Variants in TMCO4 observed in about 807,000 individuals in gnomAD.
TMCO4 encodes the protein transmembrane and coiled-coil domain-containing protein 4.
A neutral mutation model predicts 64.7 loss-of-function variants in TMCO4; 58 were observed. The observed-to-expected ratio is 0.90, with a 90% CI of 0.73 to 1.12. The LOEUF is 1.12. TMCO4 is among the 50% of genes most tolerant of loss of function. TMCO4 has a pLI of 0.00. For missense variants in TMCO4, 780 were observed against 825.9 expected (o/e 0.94, Z 0.68); for synonymous variants, 325 against 346.1 (o/e 0.94, Z 0.68).
intron 10 of TMCO4, among the ~76,000 whole-genome samples, chr1:19,744,228 C>T (rs528366310): frequency 2.0e-5 from 3 of 152,270 alleles, no homozygotes; most frequent in South Asian, 2.1e-4. Context: ...TTGAGCCTCT[C>T]GCTGGGCACT....
rs2042402149 is a variant in TMCO4 at position 19,759,372 on chromosome 1, C to G, written c.383-3606G>C. Among the ~76,000 whole-genome samples, 4 of 152,184 alleles carry G rather than the reference C, an allele frequency of 2.6e-5. No individual in the cohort carries two copies. In the South Asian group the frequency reaches 8.3e-4, roughly 32 times the overall value. On this transcript the variant is annotated intron_variant, in intron 6 of 15. Coordinates refer to ENST00000294543, the MANE Select transcript of TMCO4 (RefSeq NM_181719.7). The stretch of plus-strand genomic sequence containing the variant: ...TTGCCTCTGCACTCCATTTGCCAAA[C>G]AGCAGCCACTGAGCTTCTTTAAAAT...
At chr1:19,777,744 A>G in intron 4 of TMCO4, among the ~76,000 whole-genome samples, 1 of 152,178 alleles carries the variant, frequency 6.6e-6, no homozygotes. Context: ...CTCTCTTAGT[A>G]CTGTGTTCTA....
chr1:19,746,641 G>T, intron 8 of TMCO4, 42 bp from the exon 9 acceptor site: 1 of 1,576,190 alleles, frequency 6.3e-7, no homozygotes, highest in Non-Finnish European at 8.6e-7. Context: ...TAAAAATGTG[G>T]TGGCTGGACG....
chr1:19,747,331 A>G, intron 7 of TMCO4, 71 bp from the exon 8 acceptor site: 1 of 1,322,144 alleles, frequency 7.6e-7, no homozygotes. Context: ...CACCACACCA[A>G]CCCTCAAACA....
At chr1:19,697,232 G>C (rs1022711001) in intron 14 of TMCO4, among the ~76,000 whole-genome samples, 4 of 152,118 alleles carry the variant, frequency 2.6e-5, no homozygotes, top group African/African-American at 9.7e-5. Flanking sequence ...CTCCTCCAGG[G>C]AGTGCCCTGG....
intron 4 of TMCO4, among the ~76,000 whole-genome samples, chr1:19,777,367 A>C (rs1206753145): frequency 8.9e-6 from 1 of 111,838 alleles, no homozygotes; most frequent in African/African-American, 3.7e-5. Context: ...TTTTTTTTTG[A>C]GACAGAGTCT....
At chr1:19,787,820 A>G (rs2101109601) in intron 2 of TMCO4, among the ~76,000 whole-genome samples, 1 of 152,104 alleles carries the variant, frequency 6.6e-6, no homozygotes, top group East Asian at 1.9e-4. Flanking sequence ...CAGTGGTGCA[A>G]TCTCAGCTCA....
intron 6 of TMCO4, among the ~76,000 whole-genome samples, chr1:19,761,485 C>G (rs75615729): frequency 0.022 from 3,295 of 152,302 alleles, 73 homozygotes; most frequent in East Asian, 0.066. Flanking sequence ...AGGTCCTTTC[C>G]AGCTCAGAGA....
chr1:19,740,313 G>A (rs2095473546), intron 11 of TMCO4, among the ~76,000 whole-genome samples: 1 of 152,142 alleles, frequency 6.6e-6, no homozygotes, highest in Admixed American at 6.5e-5. Flanking sequence ...TAGATGTGAG[G>A]CTTGAAATGG....
intron 4 of TMCO4, among the ~76,000 whole-genome samples, chr1:19,775,158 A>G (rs140852497): frequency 0.022 from 3,302 of 152,212 alleles, 71 homozygotes; most frequent in East Asian, 0.067. Context: ...TCTGCCTCCC[A>G]GGTTCAAGCG....
chr1:19,703,944 T>C (rs2095288760), intron 13 of TMCO4, among the ~76,000 whole-genome samples: 1 of 152,210 alleles, frequency 6.6e-6, no homozygotes, highest in South Asian at 2.1e-4. Flanking sequence ...CTTCAACCAG[T>C]TCTGCTACTC....
At chr1:19,786,145 G>C (rs887934927) in intron 3 of TMCO4, among the ~76,000 whole-genome samples, 1 of 152,200 alleles carries the variant, frequency 6.6e-6, no homozygotes, top group African/African-American at 2.4e-5. Context: ...CTACTCAAGA[G>C]TATGAGGCAG....
chr1:19,692,408 G>A (rs1480085233), intron 15 of TMCO4, among the ~76,000 whole-genome samples: 1 of 152,046 alleles, frequency 6.6e-6, no homozygotes, highest in East Asian at 1.9e-4. Context: ...GACCTTGTCT[G>A]TACAATGGGG....
chr1:19,707,048 G>A (rs2095306409), intron 13 of TMCO4, among the ~76,000 whole-genome samples: 1 of 152,168 alleles, frequency 6.6e-6, no homozygotes, highest in African/African-American at 2.4e-5. Flanking sequence ...ACCTCCCAGG[G>A]GACCCATCTC....
chr1:19,754,482 T>C (rs1275047814), intron 7 of TMCO4, among the ~76,000 whole-genome samples: 1 of 152,122 alleles, frequency 6.6e-6, no homozygotes, highest in Non-Finnish European at 1.5e-5. Context: ...AACCGTGGCA[T>C]GAGGGTGGCT....
intron 9 of TMCO4, 82 bp downstream of exon 9, chr1:19,746,374 G>C: frequency 6.4e-7 from 1 of 1,568,090 alleles, no homozygotes; most frequent in South Asian, 1.2e-5. Context: ...CACTGCTGGT[G>C]AGGATCCAGG....
chr1:19,767,202 T>TA (rs773996212), intron 6 of TMCO4, among the ~76,000 whole-genome samples: 44 of 152,316 alleles, frequency 2.9e-4, no homozygotes, highest in Non-Finnish European at 5.3e-4. Flanking sequence ...CTTAGGCAAT[T>TA]ACTTCACTTC....
chr1:19,711,183 T>C (rs2095329239), intron 13 of TMCO4, among the ~76,000 whole-genome samples: 1 of 152,226 alleles, frequency 6.6e-6, no homozygotes, highest in African/African-American at 2.4e-5. Context: ...TGCATTTTGC[T>C]TTACTGCACT....
intron 13 of TMCO4, among the ~76,000 whole-genome samples, chr1:19,702,285 C>CA (rs71010505): frequency 0.038 from 3,936 of 102,808 alleles, 266 homozygotes; most frequent in African/African-American, 0.12. Flanking sequence ...CTTGTCTTTA[C>CA]AAAAAAAAAA....
Sources: allele counts gnomAD v4.1 joint callset (sites outside exome capture counted in the v4.1 genomes callset), GRCh38; gene constraint gnomAD v4.1.1; transcripts MANE v1.5; gene names NCBI Gene and HGNC (gene_info 2026-07-23, HGNC 2026-07-21).